Variants in SDK1 observed in about 807,000 individuals in gnomAD.
The protein encoded by SDK1 is protein sidekick-1.
Under a neutral mutation model 245.5 loss-of-function variants are expected in SDK1, and 157 were observed. The ratio of observed to expected loss-of-function variants is 0.64; its 90% CI spans 0.56 to 0.73. SDK1 has a LOEUF of 0.73. Among genes scored for constraint, SDK1 ranks in the 30% least tolerant of loss-of-function variants. The pLI, the probability that SDK1 is intolerant of heterozygous loss-of-function variation, is 0.00. For synonymous variants in SDK1, 1,647 were observed against 1,278.5 expected (o/e 1.29, Z -6.15); for missense variants, 3,583 against 3,002.3 (o/e 1.19, Z -4.52).
At chr7:3,492,577 G>C (rs1781897506) in intron 1 of SDK1, among the ~76,000 whole-genome samples, 2 of 152,252 alleles carry the variant, frequency 1.3e-5, no homozygotes, top group South Asian at 4.1e-4. Context: ...GTGGACAGCA[G>C]TGGCGGGGCA....
intron 44 of SDK1, among the ~76,000 whole-genome samples, chr7:4,252,136 C>T: frequency 6.7e-6 from 1 of 149,564 alleles, no homozygotes; most frequent in East Asian, 1.9e-4. Flanking sequence ...ATACATGTGC[C>T]ATGTTGGTGT....
intron 13 of SDK1, 33 bp downstream of exon 13, chr7:3,974,578 C>T (rs781637067): frequency 5.1e-5 from 81 of 1,598,492 alleles, no homozygotes; most frequent in South Asian, 1.3e-4. Flanking sequence ...TTAGCCAGTC[C>T]GCGGTTTTCT....
At chr7:4,103,442 G>T (rs529984035) in intron 22 of SDK1, among the ~76,000 whole-genome samples, 10 of 152,176 alleles carry the variant, frequency 6.6e-5, no homozygotes, top group Non-Finnish European at 1.5e-4. Flanking sequence ...AGCCCAGCCA[G>T]GGTTAAAGAA....
At chr7:3,486,834 T>TTA (rs1366849532) in intron 1 of SDK1, among the ~76,000 whole-genome samples, 9 of 152,208 alleles carry the variant, frequency 5.9e-5, no homozygotes, top group African/African-American at 1.9e-4. Flanking sequence ...TTTGTGAACA[T>TTA]TCCACATGTT....
intron 40 of SDK1, among the ~76,000 whole-genome samples, chr7:4,228,259 C>T (rs1785553526): frequency 6.6e-6 from 1 of 152,172 alleles, no homozygotes; most frequent in Non-Finnish European, 1.5e-5. Context: ...AATGGCGTTT[C>T]AGTAACAAGA....
At chr7:3,497,102 A>C (rs1405953816) in intron 1 of SDK1, among the ~76,000 whole-genome samples, 1 of 152,214 alleles carries the variant, frequency 6.6e-6, no homozygotes, top group Non-Finnish European at 1.5e-5. Context: ...ATTAACAGAC[A>C]AGACAGTGCT....
chr7:4,240,395 C>G (rs1013297027), intron 42 of SDK1, among the ~76,000 whole-genome samples: 1 of 152,186 alleles, frequency 6.6e-6, no homozygotes, highest in Non-Finnish European at 1.5e-5. Flanking sequence ...GACACCCCTC[C>G]CTGCGTGCAC....
rs528778555 is a variant in SDK1 at position 4,236,969 on chromosome 7, T to C, written c.5993-678T>C. 1.4e-4 allele frequency among the ~76,000 whole-genome samples: 21 copies of C among 152,226 alleles called. No individual in the cohort carries two copies. In the East Asian group the frequency reaches 3.7e-3, roughly 27 times the overall value. Reference sequence around the variant, plus strand: ...TCACCCAGGCTGGAGTGCAGTGCTGTGATCGTGGCTCACTACAGCCTCGAC... The same window carrying C: ...TCACCCAGGCTGGAGTGCAGTGCTGCGATCGTGGCTCACTACAGCCTCGAC... On this transcript the variant is annotated intron_variant, in intron 41 of 44. Transcript: ENST00000404826.
At chr7:4,159,664 C>T (rs1367413205) in intron 31 of SDK1, among the ~76,000 whole-genome samples, 1 of 152,228 alleles carries the variant, frequency 6.6e-6, no homozygotes, top group Non-Finnish European at 1.5e-5. Context: ...CCTGCTGGGC[C>T]CTGAGGAGCC....
intron 1 of SDK1, among the ~76,000 whole-genome samples, chr7:3,497,248 C>T (rs755090407): frequency 6.6e-6 from 1 of 152,046 alleles, no homozygotes; most frequent in African/African-American, 2.4e-5. Context: ...TTGGTTTGCC[C>T]CTAAGGTAGG....
At chr7:3,384,112 T>C (rs1781554070) in intron 1 of SDK1, among the ~76,000 whole-genome samples, 1 of 152,192 alleles carries the variant, frequency 6.6e-6, no homozygotes, top group Non-Finnish European at 1.5e-5. Flanking sequence ...ATCACTGTAT[T>C]TATTTGAAAT....
chr7:3,465,201 A>G (rs2128596262), intron 1 of SDK1, among the ~76,000 whole-genome samples: 1 of 152,118 alleles, frequency 6.6e-6, no homozygotes, highest in East Asian at 1.9e-4. Context: ...GTGCTTTTTG[A>G]CTTGTAGCAT....
intron 1 of SDK1, among the ~76,000 whole-genome samples, chr7:3,463,506 A>T (rs933719091): frequency 1.3e-5 from 2 of 152,052 alleles, no homozygotes; most frequent in Non-Finnish European, 2.9e-5. Flanking sequence ...GATAATAATT[A>T]TATACAATAA....
chr7:4,024,752 C>T (rs867770886), intron 17 of SDK1, among the ~76,000 whole-genome samples: 8 of 152,180 alleles, frequency 5.3e-5, no homozygotes, highest in African/African-American at 7.2e-5. Flanking sequence ...TGAGAAATGC[C>T]GGAGCCGAAA....
intron 1 of SDK1, among the ~76,000 whole-genome samples, chr7:3,431,609 A>T (rs7788172): frequency 0.18 from 26,846 of 152,008 alleles, 2,360 homozygotes; most frequent in South Asian, 0.22. Flanking sequence ...TGGGAGAATC[A>T]AACTTTTGTG....
intron 1 of SDK1, among the ~76,000 whole-genome samples, chr7:3,514,821 A>G (rs1278418422): frequency 1.3e-5 from 2 of 152,186 alleles, no homozygotes; most frequent in Non-Finnish European, 2.9e-5. Context: ...GAAATGAGAG[A>G]ATGGATATTG....
chr7:3,672,231 C>T (rs920778373), intron 4 of SDK1, among the ~76,000 whole-genome samples: 13 of 151,986 alleles, frequency 8.6e-5, no homozygotes, highest in African/African-American at 2.9e-4. Context: ...ATGAAAACAT[C>T]CTCAGAGTGG....
chr7:3,458,377 T>C (rs1780732376), intron 1 of SDK1, among the ~76,000 whole-genome samples: 1 of 152,166 alleles, frequency 6.6e-6, no homozygotes, highest in Admixed American at 6.5e-5. Flanking sequence ...ACTGTTTCCA[T>C]AGAGTAGGTC....
chr7:3,614,870 C>T (rs533644452), intron 1 of SDK1, among the ~76,000 whole-genome samples: 120 of 151,814 alleles, frequency 7.9e-4, no homozygotes, highest in African/African-American at 2.6e-3. Context: ...ATTTGGATCT[C>T]GAGATATTTG....
Sources: gnomAD v4.1 joint callset for allele counts (sites outside exome capture counted in the v4.1 genomes callset) on GRCh38, gnomAD v4.1.1 for gene constraint, MANE v1.5 for transcripts, NCBI Gene and HGNC (gene_info 2026-07-23, HGNC 2026-07-21) for gene names.